Variants in PIEZO2 observed in about 807,000 individuals in gnomAD.
PIEZO2 encodes piezo-type mechanosensitive ion channel component 2.
A neutral mutation model predicts 337.3 loss-of-function variants in PIEZO2; 172 were observed. The ratio of observed to expected loss-of-function variants is 0.51; its 90% CI spans 0.45 to 0.58. The LOEUF (loss-of-function observed/expected upper bound fraction) is 0.58, where lower values mean the gene tolerates loss of function less well. PIEZO2 is among the 20% of genes least tolerant of loss of function. PIEZO2 has a pLI of 0.00. For synonymous variants in PIEZO2, 1,251 were observed against 1,228.5 expected (o/e 1.02, Z -0.38); for missense variants, 3,028 against 3,391.3 (o/e 0.89, Z 2.66).
In PIEZO2 at chr18:11,148,569, C is replaced by T. The variant is rs1169177849; in HGVS notation, c.20G>A (p.Cys7Tyr). 7 of 1,537,078 alleles carry T rather than the reference C, an allele frequency of 4.6e-6. No homozygotes were observed. The highest frequency in any genetic ancestry group is 2.0e-5 in the Admixed American group (1 of 50,978). Residue 7 changes from cysteine to tyrosine, a missense_variant, in exon 1 of 56, where the codon TGC becomes TAC. Physicochemically the swap from Cys to Tyr is radical, Grantham distance 194 (BLOSUM62 -2). Coordinates refer to ENST00000674853, the MANE Select transcript of PIEZO2 (RefSeq NM_001378183.1). The surrounding 1 kb of genome is among the most constrained non-coding windows in gnomAD (Gnocchi z 5.2). MASEVVCGLIFRLLLPI... is the reference protein window; with the variant it reads MASEVVYGLIFRLLLPI... ...CAGCAGCAGCCTGAAGATGAGCCCG[C>T]ACACCACTTCTGAGGCCATCGCGTC...
chr18:11,131,735 G>A lies in PIEZO2; in HGVS notation c.64+16790C>T, dbSNP rs1196127830. 6.6e-6 allele frequency among the ~76,000 whole-genome samples: 1 copy of A among 152,250 alleles called. No homozygotes were observed. The highest frequency in any genetic ancestry group is 2.4e-5 in the African/African-American group (1 of 41,466). On this transcript the variant is annotated intron_variant, in intron 1 of 55. Transcript: ENST00000674853. The surrounding 1 kb of genome is among the most constrained non-coding windows in gnomAD (Gnocchi z 5.3). ...ATTGGTGACAAAGAAACTTGGGGAA[G>A]AGGTTTGTGGATGGACCTGAGTGGT...
In PIEZO2 at chr18:10,773,243, G is replaced by A. The variant is rs996199778; in HGVS notation, c.2785+169C>T. Among the ~76,000 whole-genome samples the A allele has an allele frequency of 2.6e-5, 4 of 152,142 alleles. No homozygotes were observed. Among genetic ancestry groups the A allele is most frequent in the African/African-American group, 4.8e-5 (2 of 41,434 alleles). On this transcript the variant is annotated intron_variant, in intron 20 of 55. Coordinates refer to ENST00000674853, the MANE Select transcript of PIEZO2 (RefSeq NM_001378183.1). This position sits in a 1 kb window ranked among gnomAD's most constrained non-coding sequence, Gnocchi z 5.3. ...AGTCAGAATTAAAAAGAAATTGTTGGAGCAATTGGAACAGTAATATTATAA... is the reference window on the plus strand; with the variant it reads ...AGTCAGAATTAAAAAGAAATTGTTGAAGCAATTGGAACAGTAATATTATAA...
At position 10,698,902 on chromosome 18, in the gene PIEZO2, A is replaced by C. The variant is rs1189373831; in HGVS notation, c.6694+23T>G. 2.0e-6 allele frequency: 3 copies of C among 1,535,520 alleles called. No individual in the cohort carries two copies. In the Admixed American group the frequency reaches 5.9e-5, roughly 30 times the overall value. ...GCCACCTGGGAGCTAACTACAGCCT[A>C]GATATATTGTGTCGACAGATACCTC... On this transcript the variant is annotated intron_variant, in intron 44 of 55. Transcript: ENST00000674853.
chr18:10,844,086 G>T (rs545371400), intron 7 of PIEZO2, among the ~76,000 whole-genome samples: 7 of 152,136 alleles, frequency 4.6e-5, no homozygotes, highest in Non-Finnish European at 1.0e-4. Context: ...AGCCTTAGAA[G>T]TCAGAGAGAA....
chr18:10,714,672 A>G, intron 39 of PIEZO2, 92 bp downstream of exon 39: 1 of 1,420,600 alleles, frequency 7.0e-7, no homozygotes, highest in Non-Finnish European at 9.5e-7. Flanking sequence ...GTTTTGATGA[A>G]CTTTCACCTC....
chr18:10,984,820 A>C (rs1295227508), intron 2 of PIEZO2, among the ~76,000 whole-genome samples: 5 of 152,192 alleles, frequency 3.3e-5, no homozygotes, highest in African/African-American at 1.2e-4. Context: ...TCTAAAACAA[A>C]GAATTTTGAA....
chr18:10,855,681 T>C lies in PIEZO2; in HGVS notation c.704-115A>G. The C allele has an allele frequency of 1.2e-6, 1 of 811,038 alleles. No individual in the cohort carries two copies. The highest frequency in any genetic ancestry group is 2.7e-5 in the East Asian group (1 of 37,036). The allele number at this position is 811,038 out of a possible 1,614,324, so 50.2% of individuals were successfully genotyped here. A position where few individuals can be genotyped will look rare whatever the true frequency, so the allele number is the denominator to read the frequency against. The stretch of plus-strand genomic sequence containing the variant: ...TTCCTTCAAGTGTTTTTAGGTTTTT[T>C]AAAATAGTAATTTTTAAAAATCATG... On this transcript the variant is annotated intron_variant, in intron 6 of 55. Coordinates refer to ENST00000674853, the MANE Select transcript of PIEZO2 (RefSeq NM_001378183.1). This position sits in a 1 kb window ranked among gnomAD's most constrained non-coding sequence, Gnocchi z 4.9.
chr18:10,763,208 G>A, intron 21 of PIEZO2, 110 bp from the exon 22 acceptor site: 1 of 1,222,522 alleles, frequency 8.2e-7, no homozygotes, highest in East Asian at 2.6e-5. Flanking sequence ...AAAGCAGACT[G>A]GATTCCTAGC....
rs73945703 is a variant in PIEZO2, at chr18:11,035,224, G to A, written c.160+30903C>T. Among the ~76,000 whole-genome samples, 665 of 152,306 alleles carry A rather than the reference G, an allele frequency of 4.4e-3. 7 individuals carry two copies. The highest frequency in any genetic ancestry group is 0.016 in the African/African-American group (645 of 41,566). The stretch of plus-strand genomic sequence containing the variant: ...TTGGACATGGGGCCTGGTGGGAGGT[G>A]TTTGGTCCCAGCAGTAATGAGAGAG... On this transcript the variant is annotated intron_variant, in intron 2 of 55. Transcript: ENST00000674853. The surrounding 1 kb of genome is among the most constrained non-coding windows in gnomAD (Gnocchi z 4.3).
chr18:10,696,315 C>T (rs761946261), intron 46 of PIEZO2, 27 bp from the exon 47 acceptor site: 5 of 1,613,750 alleles, frequency 3.1e-6, no homozygotes, highest in East Asian at 4.5e-5. Flanking sequence ...AAATTCATGC[C>T]CAAGAGAGGC....
At position 10,724,781 on chromosome 18, in the gene PIEZO2, C is replaced by A; in HGVS notation, c.5030-6522G>T. ...TTGCCCGTGGCTCTGGCAGTCCCCC[C>A]AGCACTGCAGCCCCAGCCTGAGCAG... On this transcript the variant is annotated intron_variant, in intron 36 of 55. Coordinates refer to ENST00000674853, the MANE Select transcript of PIEZO2 (RefSeq NM_001378183.1). The surrounding 1 kb of genome is among the most constrained non-coding windows in gnomAD (Gnocchi z 5.8). 1 of 1,580,022 alleles carries A rather than the reference C, an allele frequency of 6.3e-7. No homozygotes were observed. Among genetic ancestry groups the A allele is most frequent in the Non-Finnish European group, 8.6e-7 (1 of 1,160,902 alleles).
At chr18:10,719,854 G>A (rs1243834896) in intron 36 of PIEZO2, among the ~76,000 whole-genome samples, 1 of 151,972 alleles carries the variant, frequency 6.6e-6, no homozygotes, top group Non-Finnish European at 1.5e-5. Context: ...AAGGATATAA[G>A]GTGGTTTAGG....
Position 10,992,659 on chromosome 18 carries a change from C to T in PIEZO2, c.161-12999G>A, listed in dbSNP as rs528404720. On this transcript the variant is annotated intron_variant, in intron 2 of 55. Coordinates refer to ENST00000674853, the MANE Select transcript of PIEZO2 (RefSeq NM_001378183.1). ...TGTAGTATAGTTTGAAGTCAGGTAC[C>T]GTGATGCCTCCAGCTTTGTTCTTTT... 1.7e-4 allele frequency among the ~76,000 whole-genome samples: 26 copies of T among 152,188 alleles called. 1 individual carries two copies. Among genetic ancestry groups the T allele is most frequent in the South Asian group, 1.0e-3 (5 of 4,816 alleles).
At chr18:11,044,757 C>T (rs1353260516) in intron 2 of PIEZO2, among the ~76,000 whole-genome samples, 1 of 152,142 alleles carries the variant, frequency 6.6e-6, no homozygotes, top group East Asian at 1.9e-4. Context: ...AACCATTGTT[C>T]TTAGGGGAAA....
rs142261937 is a variant in PIEZO2 at position 11,113,839 on chromosome 18, C to T, written c.64+34686G>A. Among the ~76,000 whole-genome samples the T allele has an allele frequency of 5.4e-3, 825 of 152,354 alleles. 5 individuals are homozygous for T. Among genetic ancestry groups the T allele is most frequent in the African/African-American group, 0.019 (780 of 41,578 alleles). ...AAGATCAGAAGTGGAGGATGTCCAC[C>T]TTCGTGTCCTTTCTTGGTGTGTTCT... On this transcript the variant is annotated intron_variant, in intron 1 of 55. Coordinates refer to ENST00000674853, the MANE Select transcript of PIEZO2 (RefSeq NM_001378183.1).
Position 11,078,888 on chromosome 18 carries a change from C to T in PIEZO2, c.65-12666G>A, listed in dbSNP as rs2038642056. ...GGAGAGGGGTGAAAAAGAATCCTTG[C>T]AGGGACCAGTCTAAAGAGATGTTTC... is the stretch of plus-strand genomic sequence containing the variant. On this transcript the variant is annotated intron_variant, in intron 1 of 55. Coordinates refer to ENST00000674853, the MANE Select transcript of PIEZO2 (RefSeq NM_001378183.1). This position sits in a 1 kb window ranked among gnomAD's most constrained non-coding sequence, Gnocchi z 5.3. 6.6e-6 allele frequency among the ~76,000 whole-genome samples: 1 copy of T among 152,184 alleles called. No homozygotes were observed. The highest frequency in any genetic ancestry group is 6.5e-5 in the Admixed American group (1 of 15,276).
At chr18:10,959,033 A>G (rs2033658041) in intron 3 of PIEZO2, among the ~76,000 whole-genome samples, 1 of 152,202 alleles carries the variant, frequency 6.6e-6, no homozygotes, top group Non-Finnish European at 1.5e-5. Flanking sequence ...ATGTCTACCT[A>G]TAACTGTAGT....
chr18:10,705,785 G>C, intron 40 of PIEZO2, 39 bp from the exon 41 acceptor site: 1 of 1,475,066 alleles, frequency 6.8e-7, no homozygotes, highest in Non-Finnish European at 9.0e-7. Context: ...CCATGTCTTA[G>C]CATCCACACT....
chr18:10,711,423 C>T (rs933916998), intron 39 of PIEZO2, among the ~76,000 whole-genome samples: 3 of 151,864 alleles, frequency 2.0e-5, no homozygotes, highest in Non-Finnish European at 2.9e-5. Flanking sequence ...CCTATAAAAC[C>T]CTTGAGATTG....
Sources: allele counts gnomAD v4.1 joint callset (sites outside exome capture counted in the v4.1 genomes callset), GRCh38; gene constraint gnomAD v4.1.1; non-coding constraint Gnocchi (gnomAD v3.1); transcripts MANE v1.5; gene names NCBI Gene and HGNC (gene_info 2026-07-23, HGNC 2026-07-21).